Variants in CADM2 observed in about 807,000 individuals in gnomAD.
The protein encoded by CADM2 is immunoglobulin superfamily member 4D.
Under a neutral mutation model 49.8 loss-of-function variants are expected in CADM2, and 12 were observed. The ratio of observed to expected loss-of-function variants is 0.24; its 90% CI spans 0.15 to 0.39. The LOEUF (loss-of-function observed/expected upper bound fraction) is 0.39, where lower values mean the gene tolerates loss of function less well. CADM2 is among the 10% of genes least tolerant of loss of function. The pLI is 1.00. For missense variants in CADM2, 378 were observed against 492.3 expected (o/e 0.77, Z 2.20); for synonymous variants, 214 against 175.4 (o/e 1.22, Z -1.74).
At chr3:85,206,006 G>A (rs1003212319) in intron 1 of CADM2, among the ~76,000 whole-genome samples, 6 of 151,946 alleles carry the variant, frequency 3.9e-5, no homozygotes, top group Non-Finnish European at 7.4e-5. Context: ...ATGAAGAGCC[G>A]GAAAAGAAAA....
At chr3:85,545,721 C>T (rs1559900821) in intron 1 of CADM2, among the ~76,000 whole-genome samples, 1 of 152,082 alleles carries the variant, frequency 6.6e-6, no homozygotes, top group Non-Finnish European at 1.5e-5. Flanking sequence ...GAAACATAGA[C>T]CAAAGTTGTG....
intron 2 of CADM2, among the ~76,000 whole-genome samples, chr3:85,751,459 G>T (rs1042913557): frequency 2.0e-5 from 3 of 152,086 alleles, no homozygotes; most frequent in Non-Finnish European, 2.9e-5. Flanking sequence ...TTGAGAAATA[G>T]AATTTTATTT....
intron 1 of CADM2, among the ~76,000 whole-genome samples, chr3:85,541,775 T>TTATATATA (rs10576590): frequency 2.3e-4 from 20 of 88,310 alleles, no homozygotes; most frequent in African/African-American, 6.2e-4. Flanking sequence ...ATTTTATATT[T>TTATATATA]TATATATATA....
intron 1 of CADM2, among the ~76,000 whole-genome samples, chr3:85,083,727 A>AT (rs1230380324): frequency 8.5e-5 from 13 of 152,112 alleles, no homozygotes; most frequent in African/African-American, 2.9e-4. Context: ...CTCCTTGATC[A>AT]TTTTTTTGTC....
intron 3 of CADM2, among the ~76,000 whole-genome samples, chr3:85,839,262 C>G (rs1451197500): frequency 6.6e-6 from 1 of 151,718 alleles, no homozygotes; most frequent in African/African-American, 2.4e-5. Flanking sequence ...AAGGTCAACC[C>G]TCATTTTAGT....
chr3:85,075,714 T>C (rs572068618), intron 1 of CADM2, among the ~76,000 whole-genome samples: 1 of 152,282 alleles, frequency 6.6e-6, no homozygotes, highest in South Asian at 2.1e-4. Context: ...TAAATCCATG[T>C]TGTAAGTGAA....
At chr3:85,562,303 A>T (rs2062116447) in intron 1 of CADM2, among the ~76,000 whole-genome samples, 1 of 151,866 alleles carries the variant, frequency 6.6e-6, no homozygotes, top group Non-Finnish European at 1.5e-5. Flanking sequence ...ACATTGAGAG[A>T]CCTGATCTCT....
intron 1 of CADM2, among the ~76,000 whole-genome samples, chr3:85,414,412 G>A (rs1264388097): frequency 6.6e-6 from 1 of 152,100 alleles, no homozygotes; most frequent in African/African-American, 2.4e-5. Context: ...CCTTTAAATG[G>A]TCATAGCAAG....
At chr3:85,140,371 T>C (rs573114899) in intron 1 of CADM2, among the ~76,000 whole-genome samples, 23 of 152,274 alleles carry the variant, frequency 1.5e-4, no homozygotes, top group African/African-American at 5.1e-4. Context: ...TATTGTGCAT[T>C]GAGTAGGTCA....
chr3:85,713,180 CT>C (rs1299978985), intron 1 of CADM2, among the ~76,000 whole-genome samples: 2 of 152,168 alleles, frequency 1.3e-5, no homozygotes, highest in Non-Finnish European at 2.9e-5. Context: ...TCACTGCAAC[CT>C]CCGCCTCCCG....
intron 1 of CADM2, among the ~76,000 whole-genome samples, chr3:85,582,473 A>T (rs574477830): frequency 6.6e-6 from 1 of 152,206 alleles, no homozygotes. Context: ...GCAGGCTGCC[A>T]TAACTAAATA....
At chr3:85,270,231 A>G (rs1235054425) in intron 1 of CADM2, among the ~76,000 whole-genome samples, 3 of 151,428 alleles carry the variant, frequency 2.0e-5, no homozygotes, top group Non-Finnish European at 4.4e-5. Context: ...TAAATACTTT[A>G]TAAAATGGGA....
At chr3:85,479,386 A>T (rs10511086) in intron 1 of CADM2, among the ~76,000 whole-genome samples, 31,450 of 151,778 alleles carry the variant, frequency 0.21, 3,866 homozygotes, top group East Asian at 0.3. Flanking sequence ...ATACCAAGCT[A>T]TGTTAACTGC....
intron 1 of CADM2, among the ~76,000 whole-genome samples, chr3:85,512,420 A>G (rs2040661840): frequency 6.6e-6 from 1 of 151,894 alleles, no homozygotes; most frequent in Non-Finnish European, 1.5e-5. Context: ...TAGACCGTTG[A>G]TTTCATGTCT....
chr3:86,068,264 GTATTCTTAAA>G lies in CADM2; in HGVS notation c.*1485_*1494del, dbSNP rs1430922064. ...GCGTGTTTAACCATTAAGAAATGCT[GTATTCTTAAA>G]TATGAAACAGTTAATCTAAAGTCTT... On this transcript the variant is annotated 3_prime_UTR_variant, in exon 10 of 10. Coordinates refer to ENST00000383699, the MANE Select transcript of CADM2 (RefSeq NM_001167675.2). The G allele has an allele frequency of 6.6e-6, 1 of 152,172 alleles. No individual in the cohort carries two copies. Among genetic ancestry groups the G allele is most frequent in the Non-Finnish European group, 1.5e-5 (1 of 67,832 alleles). 9.4% of individuals were successfully genotyped at this position (152,172 alleles called of 1,614,324 possible).
chr3:85,473,246 T>C (rs550862758), intron 1 of CADM2, among the ~76,000 whole-genome samples: 2 of 152,172 alleles, frequency 1.3e-5, no homozygotes, highest in Admixed American at 1.3e-4. Context: ...CAGTGAGAGA[T>C]AACGAAGGAG....
intron 1 of CADM2, among the ~76,000 whole-genome samples, chr3:85,049,994 A>T (rs536450644): frequency 1.3e-5 from 2 of 152,026 alleles, no homozygotes; most frequent in Admixed American, 1.3e-4. Context: ...CACCTTCTTG[A>T]CCACGAGGAA....
chr3:85,794,281 G>A (rs1454436943), intron 2 of CADM2, among the ~76,000 whole-genome samples: 1 of 152,064 alleles, frequency 6.6e-6, no homozygotes, highest in East Asian at 1.9e-4. Flanking sequence ...AAGTTACCTT[G>A]GTCATTCTAC....
intron 1 of CADM2, among the ~76,000 whole-genome samples, chr3:85,557,517 C>T (rs2061990905): frequency 6.6e-6 from 1 of 151,052 alleles, no homozygotes; most frequent in Non-Finnish European, 1.5e-5. Flanking sequence ...ATGTATTTTA[C>T]TAATGTAAAG....
Sources: allele counts gnomAD v4.1 joint callset (sites outside exome capture counted in the v4.1 genomes callset), GRCh38; gene constraint gnomAD v4.1.1; transcripts MANE v1.5; gene names NCBI Gene and HGNC (gene_info 2026-07-23, HGNC 2026-07-21).